The following PTGER3 variants were observed in gnomAD, a reference collection of about 807,000 sequenced individuals.
PTGER3 encodes prostaglandin E receptor 3.
PTGER3 carries 22 observed loss-of-function variants against 34.7 expected under a neutral mutation model. The observed-to-expected ratio is 0.63, with a 90% CI of 0.45 to 0.91. The LOEUF is 0.91. PTGER3 is among the 40% of genes least tolerant of loss of function. The pLI, the probability that PTGER3 is intolerant of heterozygous loss-of-function variation, is 0.00. For missense variants in PTGER3, 468 were observed against 519.4 expected (o/e 0.90, Z 0.96); for synonymous variants, 241 against 230.1 (o/e 1.05, Z -0.43).
intron 1 of PTGER3, among the ~76,000 whole-genome samples, chr1:71,025,299 A>G (rs1225083984): frequency 6.6e-6 from 1 of 151,994 alleles, no homozygotes; most frequent in African/African-American, 2.4e-5. Context: ...TCTGGTGTTC[A>G]GATGACAGCC....
intron 4 of PTGER3, among the ~76,000 whole-genome samples, chr1:70,878,211 T>A (rs2100577814): frequency 6.6e-6 from 1 of 152,284 alleles, no homozygotes; most frequent in African/African-American, 2.4e-5. Context: ...AGGTTATATA[T>A]TTCCAGGAAT....
intron 4 of PTGER3, among the ~76,000 whole-genome samples, chr1:70,855,545 A>G (rs1645783791): frequency 6.6e-6 from 1 of 152,206 alleles, no homozygotes; most frequent in Admixed American, 6.5e-5. Context: ...GAACGCGACA[A>G]AATATCGATT....
At chr1:71,020,697 A>AGTGTGT (rs112981971) in intron 1 of PTGER3, among the ~76,000 whole-genome samples, 1,534 of 144,868 alleles carry the variant, frequency 0.011, 13 homozygotes, top group African/African-American at 0.026. Flanking sequence ...ATGTTAGCAG[A>AGTGTGT]GTGTGTGTGT....
intron 4 of PTGER3, among the ~76,000 whole-genome samples, chr1:70,883,742 A>G (rs2100226506): frequency 6.6e-6 from 1 of 152,304 alleles, no homozygotes; most frequent in African/African-American, 2.4e-5. Context: ...TTCATGCTCT[A>G]TAATACTAAA....
downstream of PTGER3, chr1:70,951,590 C>T (rs1650766254): frequency 6.6e-6 from 1 of 152,146 alleles, no homozygotes; most frequent in East Asian, 1.9e-4. Flanking sequence ...TTGGGCAGCA[C>T]TGGTAAAGAA....
intron 1 of PTGER3, among the ~76,000 whole-genome samples, chr1:71,028,232 C>T (rs1362383492): frequency 6.6e-6 from 1 of 151,926 alleles, no homozygotes; most frequent in Non-Finnish European, 1.5e-5. Context: ...CCAACAGTTT[C>T]CTCGTTTTTA....
chr1:70,971,497 T>A lies in PTGER3; in HGVS notation c.*233A>T. On this transcript the variant is annotated 3_prime_UTR_variant, in exon 4 of 4. Coordinates refer to ENST00000306666, the MANE Select transcript of PTGER3 (RefSeq NM_198719.2). The stretch of plus-strand genomic sequence containing the variant: ...ATCTGTGAAATTCTTCCCAACTTCT[T>A]AAATGCATATTCAAAATCCCATCCA... 16 of 1,197,368 alleles carry A rather than the reference T, an allele frequency of 1.3e-5. No homozygotes were observed. The highest frequency in any genetic ancestry group is 1.7e-5 in the Non-Finnish European group (16 of 960,182). 74.2% of individuals were successfully genotyped at this position (1,197,368 alleles called of 1,614,324 possible).
chr1:70,967,558 G>T (rs1652656749), downstream of PTGER3, among the ~76,000 whole-genome samples: 1 of 152,008 alleles, frequency 6.6e-6, no homozygotes, highest in Admixed American at 6.6e-5. Flanking sequence ...GTCAGTAAAA[G>T]CCTGGATTAA....
intron 2 of PTGER3, among the ~76,000 whole-genome samples, chr1:70,988,079 A>G (rs1655089728): frequency 1.3e-5 from 2 of 152,192 alleles, no homozygotes. Flanking sequence ...CATTAGTCAC[A>G]ATATGACCAT....
exon 5 of PTGER3, chr1:70,852,607 A>G (rs1645705364): frequency 6.9e-6 from 4 of 576,310 alleles, no homozygotes; most frequent in Admixed American, 7.0e-5. Flanking sequence ...ATAAATTCAC[A>G]AAACAATAGG....
chr1:70,883,629 G>A (rs1349572040), intron 4 of PTGER3, among the ~76,000 whole-genome samples: 2 of 152,160 alleles, frequency 1.3e-5, no homozygotes, highest in Non-Finnish European at 2.9e-5. Context: ...ATGTTGACCT[G>A]TTATTATAAA....
At chr1:70,978,459 T>G (rs984994947) in intron 2 of PTGER3, among the ~76,000 whole-genome samples, 9 of 152,070 alleles carry the variant, frequency 5.9e-5, no homozygotes, top group African/African-American at 2.2e-4. Flanking sequence ...AAAAAATTAA[T>G]AAGGTAATAG....
At position 71,047,028 on chromosome 1, in the gene PTGER3, C is replaced by T; in HGVS notation, c.550G>A (p.Ala184Thr). ...TRAVLLGVWL[A>T]VLAFALLPVL... is the part of the protein sequence containing the mutation. The stretch of plus-strand genomic sequence containing the variant: ...GGCAGCAGGGCGAAGGCGAGCACGG[C>T]CAGCCACACGCCGAGCAGCACAGCG... The change falls in exon 1 of 4, where the codon GCC becomes ACC. Residue 184 changes from alanine to threonine, a missense_variant. Coordinates refer to ENST00000306666, the MANE Select transcript of PTGER3 (RefSeq NM_198719.2). 1 of 1,610,946 alleles carries T rather than the reference C, an allele frequency of 6.2e-7. No individual in the cohort carries two copies. Among genetic ancestry groups the T allele is most frequent in the Non-Finnish European group, 8.5e-7 (1 of 1,178,862 alleles).
At chr1:70,900,818 T>C (rs1193288783) in intron 4 of PTGER3, among the ~76,000 whole-genome samples, 1 of 152,176 alleles carries the variant, frequency 6.6e-6, no homozygotes. Flanking sequence ...TCATAATGCA[T>C]GAACCAATTT....
chr1:70,869,284 T>G, intron 4 of PTGER3: 1 of 471,746 alleles, frequency 2.1e-6, no homozygotes, highest in Non-Finnish European at 4.4e-6. Context: ...CCTGCCTCCA[T>G]GCATGACAAA....
chr1:70,890,750 A>T (rs1219526799), intron 4 of PTGER3, among the ~76,000 whole-genome samples: 1 of 152,150 alleles, frequency 6.6e-6, no homozygotes, highest in Non-Finnish European at 1.5e-5. Flanking sequence ...GGTTTTTATC[A>T]TGTTTATATT....
chr1:70,932,180 CCAA>C (rs1277522351), intron 4 of PTGER3, among the ~76,000 whole-genome samples: 3 of 152,236 alleles, frequency 2.0e-5, no homozygotes, highest in East Asian at 1.9e-4. Flanking sequence ...ACTGCGGTTC[CCAA>C]CAAGTTCCTC....
intron 1 of PTGER3, among the ~76,000 whole-genome samples, chr1:71,029,475 A>C (rs1659214668): frequency 6.6e-6 from 1 of 152,238 alleles, no homozygotes; most frequent in Non-Finnish European, 1.5e-5. Flanking sequence ...TCAATAGAAC[A>C]AAATGAAATT....
intron 2 of PTGER3, among the ~76,000 whole-genome samples, chr1:70,965,140 G>A (rs1357153372): frequency 3.9e-5 from 6 of 152,168 alleles, no homozygotes; most frequent in Non-Finnish European, 8.8e-5. Flanking sequence ...GGTAGGCATT[G>A]CTGTAAATCC....
Sources: gnomAD v4.1 joint callset for allele counts (sites outside exome capture counted in the v4.1 genomes callset) on GRCh38, gnomAD v4.1.1 for gene constraint, MANE v1.5 for transcripts, NCBI Gene and HGNC (gene_info 2026-07-23, HGNC 2026-07-21) for gene names.